The following KCNJ6 variants were observed in gnomAD, a reference collection of about 807,000 sequenced individuals.
The protein encoded by KCNJ6 is G protein-activated inward rectifier potassium channel 2.
In KCNJ6, 9 loss-of-function variants were observed where a neutral mutation model predicts 34.2. The ratio of observed to expected loss-of-function variants is 0.26; its 90% confidence interval spans 0.16 to 0.46. The LOEUF is 0.46. Ranked by LOEUF, KCNJ6 falls within the 20% of genes least tolerant of loss-of-function variation. The pLI is 1.00. For synonymous variants in KCNJ6, 196 were observed against 207.1 expected (o/e 0.95, Z 0.46); for missense variants, 236 against 531.3 (o/e 0.44, Z 5.46).
intron 1 of KCNJ6, among the ~76,000 whole-genome samples, chr21:37,912,437 A>T (rs1231567120): frequency 6.6e-6 from 1 of 152,174 alleles, no homozygotes; most frequent in Non-Finnish European, 1.5e-5. Context: ...CCCCCTTTTT[A>T]ATTTATTAGA....
At chr21:37,688,370 A>ATT (rs11461706) in intron 3 of KCNJ6, among the ~76,000 whole-genome samples, 26 of 79,686 alleles carry the variant, frequency 3.3e-4, no homozygotes, top group South Asian at 1.1e-3. Flanking sequence ...TTTTAAAAGC[A>ATT]TTTTTTTTTT....
chr21:37,811,882 G>T (rs2211843), intron 2 of KCNJ6, among the ~76,000 whole-genome samples: 32,955 of 152,102 alleles, frequency 0.22, 3,894 homozygotes, highest in South Asian at 0.35. Flanking sequence ...AATGAAAGGG[G>T]AGACATGGGA....
At chr21:37,756,408 G>A (rs1053359022) in intron 2 of KCNJ6, among the ~76,000 whole-genome samples, 2 of 152,210 alleles carry the variant, frequency 1.3e-5, no homozygotes, top group Admixed American at 1.3e-4. Flanking sequence ...GCTGGCGTGG[G>A]GGCCTGGGAG....
At chr21:37,662,487 A>G (rs2673014) in intron 3 of KCNJ6, among the ~76,000 whole-genome samples, 89,477 of 152,056 alleles carry the variant, frequency 0.59, 26,601 homozygotes, top group East Asian at 0.85. Flanking sequence ...TATATGTACC[A>G]CATTTGCTTT....
chr21:37,778,698 T>C (rs1028163193), intron 2 of KCNJ6, among the ~76,000 whole-genome samples: 1 of 146,408 alleles, frequency 6.8e-6, no homozygotes, highest in Admixed American at 7.1e-5. Context: ...GCTGTGTGCG[T>C]GTGTGTGTGT....
chr21:37,757,610 C>A (rs1016985909), intron 2 of KCNJ6, among the ~76,000 whole-genome samples: 4 of 151,588 alleles, frequency 2.6e-5, no homozygotes, highest in African/African-American at 4.8e-5. Context: ...CCGGAGTGAG[C>A]ACTCCCTCAC....
rs947504963 is a variant in KCNJ6 at position 37,620,158 on chromosome 21, C to G, written c.*5001G>C. On this transcript the variant is annotated 3_prime_UTR_variant, in exon 4 of 4. Transcript: ENST00000609713. ...GAGTACAGTACAATATTTCATAGTA[C>G]TTAGTACTCTTACATACTATTATTA... is the stretch of plus-strand genomic sequence containing the variant. 2 of 152,192 alleles carry G rather than the reference C, an allele frequency of 1.3e-5. No homozygotes were observed. The highest frequency in any genetic ancestry group is 2.9e-5 in the Non-Finnish European group (2 of 68,040). The allele number at this position is 152,192 out of a possible 1,614,324, so 9.4% of individuals were successfully genotyped here.
At chr21:37,808,495 AG>A (rs2055304926) in intron 2 of KCNJ6, among the ~76,000 whole-genome samples, 1 of 152,262 alleles carries the variant, frequency 6.6e-6, no homozygotes, top group Non-Finnish European at 1.5e-5. Flanking sequence ...CCACTTGATG[AG>A]GTTATGCCTG....
intron 2 of KCNJ6, among the ~76,000 whole-genome samples, chr21:37,745,572 A>G (rs1403248534): frequency 2.0e-5 from 3 of 152,200 alleles, no homozygotes; most frequent in Non-Finnish European, 4.4e-5. Context: ...TAGCCCAGTG[A>G]GACTCCTGTT....
At chr21:37,687,447 C>G (rs1252417085) in intron 3 of KCNJ6, among the ~76,000 whole-genome samples, 1 of 152,206 alleles carries the variant, frequency 6.6e-6, no homozygotes, top group Non-Finnish European at 1.5e-5. Context: ...TGCCATCTTG[C>G]TGAAACATCA....
At chr21:37,808,217 T>C (rs1287051582) in intron 2 of KCNJ6, among the ~76,000 whole-genome samples, 2 of 152,224 alleles carry the variant, frequency 1.3e-5, no homozygotes, top group Non-Finnish European at 2.9e-5. Context: ...TTTGTCCTGT[T>C]GTAGGGCATA....
intron 2 of KCNJ6, among the ~76,000 whole-genome samples, chr21:37,835,054 C>A (rs1386791400): frequency 6.6e-6 from 1 of 152,198 alleles, no homozygotes; most frequent in African/African-American, 2.4e-5. Flanking sequence ...CCTAGGGACG[C>A]TCTGGCTGCC....
At chr21:37,866,071 G>C (rs2055621308) in intron 1 of KCNJ6, among the ~76,000 whole-genome samples, 1 of 152,196 alleles carries the variant, frequency 6.6e-6, no homozygotes, top group African/African-American at 2.4e-5. Flanking sequence ...TTTAAATTAA[G>C]GGGAGGTTAT....
intron 1 of KCNJ6, among the ~76,000 whole-genome samples, chr21:37,885,638 G>A (rs2055731801): frequency 6.6e-6 from 1 of 152,218 alleles, no homozygotes; most frequent in African/African-American, 2.4e-5. Context: ...CAGGAGGGGA[G>A]CACAGTCTCC....
rs547535807 is a variant in KCNJ6, at chr21:37,869,530, G to A, written c.-27-28821C>T. Among the ~76,000 whole-genome samples the A allele has an allele frequency of 7.2e-5, 11 of 152,332 alleles. No homozygotes were observed. In the East Asian group the frequency reaches 9.6e-4, roughly 13 times the overall value. ...TTGCCTCGGGCTTTTACATGTTTGT[G>A]TAATTTGGGTTTAGCTCACCTGCTC... On this transcript the variant is annotated intron_variant, in intron 1 of 3. Transcript: ENST00000609713.
At chr21:37,904,815 C>T (rs2055833490) in intron 1 of KCNJ6, among the ~76,000 whole-genome samples, 1 of 152,318 alleles carries the variant, frequency 6.6e-6, no homozygotes, top group Non-Finnish European at 1.5e-5. Context: ...CTACTCTCTG[C>T]TCCAGATCAC....
rs1363114925 is a variant in KCNJ6, at chr21:37,617,044, C to CTTTTCT, written c.*8114_*8115insAGAAAA. The CTTTTCT allele has an allele frequency of 3.0e-4, 4 of 13,328 alleles. No homozygotes were observed. Among genetic ancestry groups the CTTTTCT allele is most frequent in the African/African-American group, 8.6e-4 (4 of 4,650 alleles). The allele number at this position is 13,328 out of a possible 1,614,324, so 0.8% of individuals were successfully genotyped here. On this transcript the variant is annotated 3_prime_UTR_variant, in exon 4 of 4. Coordinates refer to ENST00000609713, the MANE Select transcript of KCNJ6 (RefSeq NM_002240.5). ...TCTTTCTTTCTTTCTTTCTTTCTTT[C>CTTTTCT]TTTCTTTCTTTTCTTTTCTTTTCTT...
chr21:37,664,190 G>A (rs2054503375), intron 3 of KCNJ6, among the ~76,000 whole-genome samples: 1 of 151,976 alleles, frequency 6.6e-6, no homozygotes, highest in African/African-American at 2.4e-5. Flanking sequence ...CATATAAAAA[G>A]TTTTGGGGTA....
intron 3 of KCNJ6, among the ~76,000 whole-genome samples, chr21:37,694,069 T>A (rs952209553): frequency 2.0e-5 from 3 of 152,230 alleles, no homozygotes; most frequent in African/African-American, 7.2e-5. Flanking sequence ...GGTGCCTTCC[T>A]GCCAGAGGGG....
Sources: gnomAD v4.1 joint callset for allele counts (sites outside exome capture counted in the v4.1 genomes callset) on GRCh38, gnomAD v4.1.1 for gene constraint, MANE v1.5 for transcripts, NCBI Gene and HGNC (gene_info 2026-07-23, HGNC 2026-07-21) for gene names.